GRIN2A: variants seen among roughly 807,000 people sequenced by gnomAD.
GRIN2A encodes glutamate ionotropic receptor NMDA type subunit 2A, also known as glutamate receptor ionotropic, NMDA 2A.
In GRIN2A, 22 loss-of-function variants were observed where a neutral mutation model predicts 113.4. That is an observed-to-expected ratio of 0.19 (90% confidence interval 0.14 to 0.28). The LOEUF (loss-of-function observed/expected upper bound fraction) is 0.28, where lower values mean the gene tolerates loss of function less well. GRIN2A is among the 10% of genes least tolerant of loss of function. GRIN2A has a pLI of 1.00. For missense variants in GRIN2A, 1,502 were observed against 1,887.0 expected (o/e 0.80, Z 3.78); for synonymous variants, 827 against 738.4 (o/e 1.12, Z -1.94).
intron 11 of GRIN2A, among the ~76,000 whole-genome samples, chr16:9,771,604 G>A (rs1031212923): frequency 1.4e-5 from 2 of 138,040 alleles, no homozygotes; most frequent in Non-Finnish European, 3.0e-5. Context: ...TGTTTGCTGT[G>A]TGTTCTGACT....
chr16:9,989,789 AG>A (rs1461968290), intron 2 of GRIN2A, among the ~76,000 whole-genome samples: 11 of 152,234 alleles, frequency 7.2e-5, no homozygotes, highest in African/African-American at 2.7e-4. Flanking sequence ...AAAAATGCTC[AG>A]CATCATTAAT....
chr16:10,025,294 CTTTTTTTTTTTTTTTT>C (rs58250644), intron 2 of GRIN2A, among the ~76,000 whole-genome samples: 1 of 88,022 alleles, frequency 1.1e-5, no homozygotes, highest in South Asian at 5.0e-4. Context: ...GCAGCAGGGT[CTTTTTTTTTTTTTTTT>C]TTTTTTTTTT....
At chr16:10,112,678 G>T (rs1028180169) in intron 2 of GRIN2A, 4 of 756,112 alleles carry the variant, frequency 5.3e-6, no homozygotes, top group African/African-American at 3.4e-5. Context: ...TTCAGCGAGG[G>T]GGAAAAGGTG....
intron 2 of GRIN2A, among the ~76,000 whole-genome samples, chr16:10,138,375 G>A (rs1567326502): frequency 6.6e-6 from 1 of 152,196 alleles, no homozygotes; most frequent in Non-Finnish European, 1.5e-5. Context: ...GCTGGGGAAG[G>A]AGACCTCAGG....
intron 2 of GRIN2A, among the ~76,000 whole-genome samples, chr16:9,989,741 T>C (rs1567220181): frequency 6.6e-6 from 1 of 152,006 alleles, no homozygotes; most frequent in Non-Finnish European, 1.5e-5. Context: ...CAGACACTTC[T>C]CAAAAGAAGA....
chr16:9,992,231 C>G (rs1596397086), intron 2 of GRIN2A, among the ~76,000 whole-genome samples: 2 of 152,174 alleles, frequency 1.3e-5, no homozygotes, highest in Admixed American at 1.3e-4. Context: ...GGAATCAATC[C>G]AAGTTGCAAT....
chr16:9,846,767 A>T (rs754093407), intron 5 of GRIN2A, among the ~76,000 whole-genome samples: 5 of 152,210 alleles, frequency 3.3e-5, no homozygotes, highest in Non-Finnish European at 5.9e-5. Flanking sequence ...GCTACACTTA[A>T]AGGATGAGTA....
At chr16:9,851,659 A>T (rs940894233) in intron 4 of GRIN2A, among the ~76,000 whole-genome samples, 1 of 152,194 alleles carries the variant, frequency 6.6e-6, no homozygotes, top group African/African-American at 2.4e-5. Context: ...GAGGGTGGGT[A>T]GTTCAGTGGG....
chr16:10,137,194 G>A (rs963273653), intron 2 of GRIN2A, among the ~76,000 whole-genome samples: 23 of 152,296 alleles, frequency 1.5e-4, no homozygotes, highest in African/African-American at 5.3e-4. Context: ...AGTATATGGA[G>A]GCAAGGACTG....
chr16:10,101,130 C>A (rs1016100258), intron 2 of GRIN2A, among the ~76,000 whole-genome samples: 1 of 152,198 alleles, frequency 6.6e-6, no homozygotes, highest in Non-Finnish European at 1.5e-5. Flanking sequence ...ACATGGGGCT[C>A]CTTTCATGGG....
chr16:10,095,238 T>C (rs1384286417), intron 2 of GRIN2A, among the ~76,000 whole-genome samples: 1 of 152,048 alleles, frequency 6.6e-6, no homozygotes. Context: ...TTTAGAACCA[T>C]GAAAAAAATA....
intron 2 of GRIN2A, among the ~76,000 whole-genome samples, chr16:9,956,812 CT>C (rs1189963147): frequency 6.6e-6 from 1 of 152,086 alleles, no homozygotes; most frequent in Non-Finnish European, 1.5e-5. Flanking sequence ...TAGGGGTTAT[CT>C]AGGCAAAGAG....
rs2045868934 is a variant in GRIN2A at position 9,980,446 on chromosome 16, A to G, written c.415-41895T>C. Among the ~76,000 whole-genome samples the G allele has an allele frequency of 3.3e-5, 5 of 152,154 alleles. No homozygotes were observed. In the South Asian group the frequency reaches 1.0e-3, roughly 32 times the overall value. On this transcript the variant is annotated intron_variant, in intron 2 of 12. Transcript: ENST00000330684. ...CGGTGTGGCAATTCCTCAGGGATCT[A>G]CAACTAGAAATACCATTTGACCCAG...
At chr16:10,104,855 G>C (rs1278874129) in intron 2 of GRIN2A, among the ~76,000 whole-genome samples, 1 of 152,148 alleles carries the variant, frequency 6.6e-6, no homozygotes, top group South Asian at 2.1e-4. Context: ...TGTCCCTTGT[G>C]AGCGCAGAGT....
intron 2 of GRIN2A, among the ~76,000 whole-genome samples, chr16:10,132,218 G>C (rs2049078894): frequency 1.3e-5 from 2 of 151,788 alleles, no homozygotes; most frequent in Non-Finnish European, 1.5e-5. Flanking sequence ...TGTAATCCTA[G>C]CTACTCAGGA....
intron 10 of GRIN2A, among the ~76,000 whole-genome samples, chr16:9,809,992 T>C (rs1339895578): frequency 6.6e-6 from 1 of 151,972 alleles, no homozygotes; most frequent in Non-Finnish European, 1.5e-5. Flanking sequence ...CACTTGATCC[T>C]AGGAGGTAGA....
intron 2 of GRIN2A, among the ~76,000 whole-genome samples, chr16:10,116,870 T>C (rs11647362): frequency 0.84 from 128,277 of 152,030 alleles, 54,893 homozygotes; most frequent in East Asian, 0.92. Flanking sequence ...GTCTGCCATA[T>C]GCAGGAGCCA....
chr16:9,843,083 GAGAA>G (rs926628783), intron 5 of GRIN2A, among the ~76,000 whole-genome samples: 6 of 151,236 alleles, frequency 4.0e-5, no homozygotes, highest in Admixed American at 6.6e-5. Flanking sequence ...AGAGAGAAGA[GAGAA>G]AGAAAGAGAA....
rs188155353 is a variant in GRIN2A, at chr16:10,039,663, G to C, written c.415-101112C>G. Among the ~76,000 whole-genome samples, 26 of 151,738 alleles carry C rather than the reference G, an allele frequency of 1.7e-4. 1 individual carries two copies. Among genetic ancestry groups the C allele is most frequent in the Admixed American group, 1.7e-3 (26 of 15,254 alleles). ...AGGGTCCGCACCCGGGAGCGGGGGC[G>C]GCTGCTCGCTCTACTCCTGGGAGGG... On this transcript the variant is annotated intron_variant, in intron 2 of 12. Transcript: ENST00000330684.
Sources: allele counts gnomAD v4.1 joint callset (sites outside exome capture counted in the v4.1 genomes callset), GRCh38; gene constraint gnomAD v4.1.1; transcripts MANE v1.5; gene names NCBI Gene and HGNC (gene_info 2026-07-23, HGNC 2026-07-21).